Variants in DPYD observed in about 807,000 individuals in gnomAD.
DPYD encodes the protein dihydropyrimidine dehydrogenase [NADP(+)].
In DPYD, 109 loss-of-function variants were observed where a neutral mutation model predicts 116.2. That is an observed-to-expected ratio of 0.94 (90% CI 0.80 to 1.10). DPYD has a LOEUF of 1.10. DPYD is among the 50% of genes least tolerant of loss of function. The probability of loss-of-function intolerance (pLI) is 0.00; values close to 1 mark genes in which losing one functional copy is unlikely to be tolerated. For missense variants in DPYD, 1,302 were observed against 1,254.5 expected (o/e 1.04, Z -0.57); for synonymous variants, 440 against 432.0 (o/e 1.02, Z -0.23).
chr1:97,097,577 A>T (rs1368463369), intron 21 of DPYD, among the ~76,000 whole-genome samples: 1 of 152,128 alleles, frequency 6.6e-6, no homozygotes, highest in African/African-American at 2.4e-5. Context: ...TTTTCTCATT[A>T]TGACTGCTTG....
intron 5 of DPYD, among the ~76,000 whole-genome samples, chr1:97,701,810 C>T (rs554948898): frequency 6.6e-6 from 1 of 151,896 alleles, no homozygotes; most frequent in Non-Finnish European, 1.5e-5. Context: ...CATTCTAATA[C>T]TTTGTCACTT....
At chr1:97,118,533 A>AC (rs1404919444) in intron 20 of DPYD, among the ~76,000 whole-genome samples, 2 of 152,164 alleles carry the variant, frequency 1.3e-5, no homozygotes, top group East Asian at 1.9e-4. Context: ...GGAGGGCATC[A>AC]AAAAAACATG....
chr1:97,656,949 C>T (rs1016686115), intron 8 of DPYD, among the ~76,000 whole-genome samples: 20 of 148,768 alleles, frequency 1.3e-4, no homozygotes, highest in Admixed American at 3.4e-4. Flanking sequence ...AATTTCTTAA[C>T]TCTGCTGCAT....
intron 14 of DPYD, among the ~76,000 whole-genome samples, chr1:97,412,688 G>A (rs1313319377): frequency 6.6e-6 from 1 of 152,168 alleles, no homozygotes; most frequent in Admixed American, 6.5e-5. Context: ...AATGCATCCT[G>A]TTTTGAGAGT....
intron 3 of DPYD, among the ~76,000 whole-genome samples, chr1:97,756,175 A>C (rs1022970052): frequency 6.6e-6 from 1 of 152,210 alleles, no homozygotes; most frequent in Non-Finnish European, 1.5e-5. Context: ...TAAACTGTGT[A>C]ACCAAAGAGA....
At chr1:97,453,151 C>T (rs1421267070) in intron 13 of DPYD, among the ~76,000 whole-genome samples, 1 of 152,068 alleles carries the variant, frequency 6.6e-6, no homozygotes, top group Non-Finnish European at 1.5e-5. Flanking sequence ...TGTGATGACT[C>T]CCTGACAGAA....
At chr1:97,412,437 T>C (rs1674057899) in intron 14 of DPYD, among the ~76,000 whole-genome samples, 1 of 152,190 alleles carries the variant, frequency 6.6e-6, no homozygotes, top group South Asian at 2.1e-4. Flanking sequence ...CATAATCACA[T>C]GATCTTTGAA....
intron 8 of DPYD, among the ~76,000 whole-genome samples, chr1:97,660,355 T>C (rs532036673): frequency 6.6e-6 from 1 of 152,296 alleles, no homozygotes; most frequent in East Asian, 1.9e-4. Context: ...ATATTACTTT[T>C]ATCTTAATTA....
Position 97,251,584 on chromosome 1 carries a change from T to C in DPYD, c.2300-16590A>G, listed in dbSNP as rs576335686. On this transcript the variant is annotated intron_variant, in intron 18 of 22. Transcript: ENST00000370192. ...CTCTTGTTAATGTTCGTAATCTCCATGAAATTTTCTTGAGAGCAATGCTTT... is the reference window on the plus strand; with the variant it reads ...CTCTTGTTAATGTTCGTAATCTCCACGAAATTTTCTTGAGAGCAATGCTTT... Among the ~76,000 whole-genome samples the C allele has an allele frequency of 5.9e-5, 9 of 152,182 alleles. No homozygotes were observed. The South Asian group carries it at 1.9e-3, about 32-fold the overall frequency.
intron 3 of DPYD, among the ~76,000 whole-genome samples, chr1:97,781,213 T>G (rs545116743): frequency 1.3e-5 from 2 of 152,350 alleles, no homozygotes; most frequent in Admixed American, 6.5e-5. Context: ...TTTAAACATT[T>G]TGAGGAAATA....
chr1:97,353,320 C>T (rs1286931202), intron 16 of DPYD, among the ~76,000 whole-genome samples: 1 of 152,078 alleles, frequency 6.6e-6, no homozygotes, highest in Non-Finnish European at 1.5e-5. Context: ...AGGGGCAGGG[C>T]TGCGGAATGG....
intron 20 of DPYD, among the ~76,000 whole-genome samples, chr1:97,107,727 T>A (rs1651276505): frequency 1.3e-5 from 2 of 152,122 alleles, no homozygotes; most frequent in Non-Finnish European, 2.9e-5. Context: ...CTTGCTACAA[T>A]TAATTCAAAT....
chr1:97,137,164 C>T lies in DPYD; in HGVS notation c.2623-38532G>A, dbSNP rs537113007. Among the ~76,000 whole-genome samples the T allele has an allele frequency of 1.5e-4, 23 of 152,250 alleles. 1 individual carries two copies. The South Asian group carries it at 4.6e-3, about 30-fold the overall frequency. ...TGTTGCTGTGGAACAGCAGGCCTTC[C>T]GGGAATGCTAAGAATACAGTGTCTT... On this transcript the variant is annotated intron_variant, in intron 20 of 22. Coordinates refer to ENST00000370192, the MANE Select transcript of DPYD (RefSeq NM_000110.4).
intron 18 of DPYD, among the ~76,000 whole-genome samples, chr1:97,244,482 G>A (rs918770134): frequency 6.6e-6 from 1 of 151,940 alleles, no homozygotes; most frequent in Non-Finnish European, 1.5e-5. Context: ...AGTGCGCAGA[G>A]AGGTTTACCC....
intron 16 of DPYD, among the ~76,000 whole-genome samples, chr1:97,358,715 G>A (rs1214898079): frequency 6.6e-6 from 1 of 152,082 alleles, no homozygotes; most frequent in East Asian, 1.9e-4. Flanking sequence ...TGTAGCTGAG[G>A]GACCTGACTA....
intron 20 of DPYD, among the ~76,000 whole-genome samples, chr1:97,125,639 G>A (rs1396752946): frequency 6.6e-6 from 1 of 152,008 alleles, no homozygotes; most frequent in African/African-American, 2.4e-5. Context: ...GATGGTAGTA[G>A]GAGGTAGGGA....
At chr1:97,348,286 T>G (rs2101297441) in intron 16 of DPYD, among the ~76,000 whole-genome samples, 1 of 152,304 alleles carries the variant, frequency 6.6e-6, no homozygotes, top group South Asian at 2.1e-4. Flanking sequence ...ATTAAAAGTC[T>G]GACAAAGCAA....
At chr1:97,111,463 AC>A (rs1651592497) in intron 20 of DPYD, among the ~76,000 whole-genome samples, 1 of 149,880 alleles carries the variant, frequency 6.7e-6, no homozygotes, top group South Asian at 2.1e-4. Flanking sequence ...AGATCATATG[AC>A]CTTAGGGCCT....
At chr1:97,549,416 A>AT in intron 12 of DPYD, 144 bp downstream of exon 12, 3 of 994,244 alleles carry the variant, frequency 3.0e-6, no homozygotes, top group Non-Finnish European at 4.5e-6. Flanking sequence ...ACATTTTAAA[A>AT]TTTGTATCCA....
Sources: allele counts gnomAD v4.1 joint callset (sites outside exome capture counted in the v4.1 genomes callset), GRCh38; gene constraint gnomAD v4.1.1; transcripts MANE v1.5; gene names NCBI Gene and HGNC (gene_info 2026-07-23, HGNC 2026-07-21).